ANXA3: variants seen among roughly 807,000 people sequenced by gnomAD.
ANXA3 encodes the protein annexin A3.
In ANXA3, 46 loss-of-function variants were observed where a neutral mutation model predicts 48.8. That is an observed-to-expected ratio of 0.94 (90% CI 0.74 to 1.21). The LOEUF (loss-of-function observed/expected upper bound fraction) is 1.21, where lower values mean the gene tolerates loss of function less well. Among genes scored for constraint, ANXA3 ranks in the 50% most tolerant of loss-of-function variants. The pLI, the probability that ANXA3 is intolerant of heterozygous loss-of-function variation, is 0.00. For synonymous variants in ANXA3, 128 were observed against 134.7 expected, an observed-to-expected ratio of 0.95 and a Z score of 0.35; for missense variants, 383 against 378.6, an observed-to-expected ratio of 1.01 and a Z score of -0.10.
At chr4:78,587,599 C>T (rs1402085279) in intron 6 of ANXA3, among the ~76,000 whole-genome samples, 1 of 152,188 alleles carries the variant, frequency 6.6e-6, no homozygotes, top group African/African-American at 2.4e-5. Flanking sequence ...GTCATAGCAG[C>T]TTTTGCAGTG....
intron 6 of ANXA3, among the ~76,000 whole-genome samples, chr4:78,587,968 C>T (rs573556851): frequency 3.0e-4 from 46 of 152,248 alleles, no homozygotes; most frequent in Admixed American, 7.2e-4. Flanking sequence ...TGGTGGCGTG[C>T]ACCTGTAGTC....
intron 2 of ANXA3, among the ~76,000 whole-genome samples, chr4:78,570,296 G>T (rs749141528): frequency 5.3e-5 from 8 of 152,068 alleles, no homozygotes; most frequent in Non-Finnish European, 1.2e-4. Flanking sequence ...CTGTGCATTG[G>T]CATTTTAGCA....
chr4:78,604,052 A>G (rs756564938), intron 11 of ANXA3: 2 of 374,770 alleles, frequency 5.3e-6, no homozygotes, highest in African/African-American at 4.2e-5. Flanking sequence ...GAAGCTTAAC[A>G]TGGGTATCTC....
chr4:78,601,768 AC>A (rs1259085727), intron 11 of ANXA3, 200 bp downstream of exon 11: 3 of 449,280 alleles, frequency 6.7e-6, no homozygotes, highest in African/African-American at 6.0e-5. Context: ...AAATAAACAG[AC>A]CTGGGTTTAT....
intron 2 of ANXA3, among the ~76,000 whole-genome samples, chr4:78,564,559 G>A (rs1722691051): frequency 6.6e-6 from 1 of 152,210 alleles, no homozygotes; most frequent in Admixed American, 6.5e-5. Flanking sequence ...AAATGTCTCT[G>A]CCTTCTGGAA....
chr4:78,573,224 A>G lies in ANXA3; in HGVS notation c.60A>G (p.Pro20=), dbSNP rs753656153. 87 of 1,613,788 alleles carry G rather than the reference A, an allele frequency of 5.4e-5. No homozygotes were observed. Among genetic ancestry groups the G allele is most frequent in the Non-Finnish European group, 7.0e-5 (82 of 1,179,802 alleles). Residue 20 remains proline, a synonymous_variant, in exon 3 of 13, where the codon CCA becomes CCG. Coordinates refer to ENST00000264908, the MANE Select transcript of ANXA3 (RefSeq NM_005139.3). The part of the protein sequence containing the change: ...GTVRDYPDFS[P]SVDAEAIQKA... ...TAAGAGATTATCCAGACTTTAGCCC[A>G]TCAGTGGATGCTGAAGCTATTCAGA...
intron 12 of ANXA3, among the ~76,000 whole-genome samples, chr4:78,606,738 C>G (rs566259058): frequency 6.6e-6 from 1 of 152,326 alleles, no homozygotes; most frequent in Non-Finnish European, 1.5e-5. Flanking sequence ...TAAAATCTCT[C>G]TCTCTCTCTT....
chr4:78,578,298 CGAGAGAGA>C (rs1220106430), intron 3 of ANXA3, among the ~76,000 whole-genome samples: 11 of 46,516 alleles, frequency 2.4e-4, no homozygotes, highest in South Asian at 9.6e-4. Flanking sequence ...AGAGAGAGAG[CGAGAGAGA>C]GAGAGAGAGA....
chr4:78,559,460 A>G (rs1722583667), intron 2 of ANXA3, among the ~76,000 whole-genome samples: 1 of 152,202 alleles, frequency 6.6e-6, no homozygotes, highest in Admixed American at 6.5e-5. Context: ...CTTGGGATAC[A>G]TTCTCCTTTC....
At chr4:78,567,951 G>A (rs962639673) in intron 2 of ANXA3, among the ~76,000 whole-genome samples, 3 of 152,232 alleles carry the variant, frequency 2.0e-5, no homozygotes, top group Non-Finnish European at 4.4e-5. Context: ...TCGCAGCTGC[G>A]TAACTCCAGT....
intron 12 of ANXA3, among the ~76,000 whole-genome samples, chr4:78,608,375 G>T (rs1354372756): frequency 6.6e-6 from 1 of 152,152 alleles, no homozygotes; most frequent in Non-Finnish European, 1.5e-5. Flanking sequence ...CCTCATGGTG[G>T]AGGAAGCATA....
intron 2 of ANXA3, among the ~76,000 whole-genome samples, chr4:78,560,828 T>A (rs1026007924): frequency 2.0e-5 from 3 of 152,186 alleles, no homozygotes; most frequent in African/African-American, 7.2e-5. Context: ...TTTGAAGCTC[T>A]ATGCCAAGAA....
At chr4:78,596,275 G>A (rs1021017665) in intron 9 of ANXA3, among the ~76,000 whole-genome samples, 2 of 152,204 alleles carry the variant, frequency 1.3e-5, no homozygotes, top group Admixed American at 6.5e-5. Flanking sequence ...GACACTGCAG[G>A]TGAGTCTCTG....
chr4:78,573,481 A>T (rs149005275), intron 3 of ANXA3, among the ~76,000 whole-genome samples: 24 of 152,376 alleles, frequency 1.6e-4, no homozygotes, highest in African/African-American at 5.3e-4. Flanking sequence ...TACCACTGAT[A>T]CTAGTGGTCT....
chr4:78,593,306 A>C (rs1301806765), intron 7 of ANXA3, among the ~76,000 whole-genome samples: 1 of 151,772 alleles, frequency 6.6e-6, no homozygotes, highest in Non-Finnish European at 1.5e-5. Flanking sequence ...AGGTTCAAGC[A>C]ATTCTCCTGC....
At chr4:78,571,282 A>T (rs1440981831) in intron 2 of ANXA3, 1 of 152,268 alleles carries the variant, frequency 6.6e-6, no homozygotes, top group African/African-American at 2.4e-5. Flanking sequence ...AAGACCTGGG[A>T]GTACAAGAGT....
chr4:78,605,739 T>C (rs1723633591), intron 12 of ANXA3, among the ~76,000 whole-genome samples: 1 of 152,240 alleles, frequency 6.6e-6, no homozygotes, highest in Admixed American at 6.5e-5. Context: ...TTCATTGTTT[T>C]CAGATCTCAG....
rs548381479 is a variant in ANXA3, at chr4:78,593,340, T to C, written c.483+1717T>C. ...GCCTCAGCCTCCCTAGCAGCTGGGA[T>C]TACAGGCACACGCCACCACACCCGG... On this transcript the variant is annotated intron_variant, in intron 7 of 12. Coordinates refer to ENST00000264908, the MANE Select transcript of ANXA3 (RefSeq NM_005139.3). 5.9e-5 allele frequency among the ~76,000 whole-genome samples: 9 copies of C among 152,006 alleles called. No homozygotes were observed. In the East Asian group the frequency reaches 1.2e-3, roughly 20 times the overall value.
At chr4:78,565,994 C>G (rs1014293004) in intron 2 of ANXA3, among the ~76,000 whole-genome samples, 1 of 152,102 alleles carries the variant, frequency 6.6e-6, no homozygotes, top group African/African-American at 2.4e-5. Context: ...AAATAACCCA[C>G]AGCAGGATTA....
Sources: gnomAD v4.1 joint callset for allele counts (sites outside exome capture counted in the v4.1 genomes callset) on GRCh38, gnomAD v4.1.1 for gene constraint, MANE v1.5 for transcripts, NCBI Gene and HGNC (gene_info 2026-07-23, HGNC 2026-07-21) for gene names.